The following TDRD9 variants were observed in gnomAD, a reference collection of about 807,000 sequenced individuals.
The protein encoded by TDRD9 is ATP-dependent RNA helicase TDRD9.
A neutral mutation model predicts 172.6 loss-of-function variants in TDRD9; 124 were observed. The ratio of observed to expected loss-of-function variants is 0.72; its 90% CI spans 0.62 to 0.83. The LOEUF (loss-of-function observed/expected upper bound fraction) is 0.83, where lower values mean the gene tolerates loss of function less well. TDRD9 is among the 40% of genes least tolerant of loss of function. The pLI, the probability that TDRD9 is intolerant of heterozygous loss-of-function variation, is 0.00. For missense variants in TDRD9, 1,479 were observed against 1,714.1 expected (o/e 0.86, Z 2.42); for synonymous variants, 619 against 617.1 (o/e 1.00, Z -0.05).
chr14:104,036,814 G>C (rs547357995), intron 32 of TDRD9, among the ~76,000 whole-genome samples: 1 of 152,324 alleles, frequency 6.6e-6, no homozygotes, highest in South Asian at 2.1e-4. Flanking sequence ...AAATGTGCCA[G>C]ATTTGGGACG....
intron 28 of TDRD9, 90 bp downstream of exon 28, chr14:104,027,029 A>C (rs893715941): frequency 2.1e-6 from 3 of 1,398,292 alleles, no homozygotes; most frequent in African/African-American, 1.4e-5. Flanking sequence ...AGATAGGAGG[A>C]GGCGGACAGT....
chr14:104,038,309 T>A (rs1179871953), intron 32 of TDRD9, among the ~76,000 whole-genome samples: 1 of 152,078 alleles, frequency 6.6e-6, no homozygotes, highest in Admixed American at 6.6e-5. Context: ...AACAAAAAAT[T>A]GAATGAGGGT....
intron 3 of TDRD9, among the ~76,000 whole-genome samples, chr14:103,964,772 C>T (rs2152143314): frequency 6.6e-6 from 1 of 152,298 alleles, no homozygotes; most frequent in Middle Eastern, 3.4e-3. Flanking sequence ...ATCCGCCCGC[C>T]TTGGCCTCCC....
At chr14:103,991,260 A>T (rs754307005) in intron 9 of TDRD9, 36 bp downstream of exon 9, 1 of 1,609,512 alleles carries the variant, frequency 6.2e-7, no homozygotes, top group East Asian at 2.2e-5. Context: ...TGGAATCATA[A>T]TACTCTGGAG....
chr14:103,956,101 AAAAAAAAAAAATATATATATATAT>A (rs1368683633), intron 2 of TDRD9, among the ~76,000 whole-genome samples: 14 of 54,236 alleles, frequency 2.6e-4, no homozygotes, highest in Admixed American at 1.2e-3. Flanking sequence ...AAAAAAAAAA[AAAAAAAAAAAATATATATATATAT>A]ATATATATAT....
chr14:104,037,205 CTG>C (rs1358702143), intron 32 of TDRD9, among the ~76,000 whole-genome samples: 2 of 152,170 alleles, frequency 1.3e-5, no homozygotes, highest in East Asian at 3.8e-4. Context: ...GGTCCCAGCA[CTG>C]TGTCTTAGGT....
In TDRD9 at chr14:103,928,719, C is replaced by A. The variant is rs1319923363; in HGVS notation, c.210C>A (p.Phe70Leu). The A allele has an allele frequency of 8.6e-7, 1 of 1,156,652 alleles. No homozygotes were observed. 71.6% of individuals were successfully genotyped at this position (1,156,652 alleles called of 1,614,324 possible). Residue 70 changes from phenylalanine to leucine, a missense_variant, in exon 1 of 36, where the codon TTC becomes TTA. Physicochemically the swap from Phe to Leu is conservative, Grantham distance 22. Coordinates refer to ENST00000409874, the MANE Select transcript of TDRD9 (RefSeq NM_153046.3). ...AQAPARPAAA[F>L]ERSLSQRSSE... ...CTCCGGCCCGGCCGGCCGCTGCGTT[C>A]GAAAGGTAGGACGCGGGCGGGGCGG...
intron 8 of TDRD9, among the ~76,000 whole-genome samples, chr14:103,990,698 A>C (rs2152196311): frequency 6.6e-6 from 1 of 152,392 alleles, no homozygotes; most frequent in African/African-American, 2.4e-5. Flanking sequence ...GGAAGGGCTC[A>C]CAGGTTCATG....
Position 104,005,254 on chromosome 14 carries a change from T to G in TDRD9, c.1582-20T>G. On this transcript the variant is annotated intron_variant, in intron 14 of 35. Transcript: ENST00000409874. ...TTTAGTTATGTTATTATTTCTAATC[T>G]CAGGCTTGTTTCTTTTCAGCGTTGT... 6.2e-6 allele frequency: 10 copies of G among 1,613,480 alleles called. No individual in the cohort carries two copies. Among genetic ancestry groups the G allele is most frequent in the Non-Finnish European group, 8.5e-6 (10 of 1,179,492 alleles).
At chr14:104,028,613 T>C (rs2035194104) in intron 28 of TDRD9, among the ~76,000 whole-genome samples, 1 of 152,234 alleles carries the variant, frequency 6.6e-6, no homozygotes, top group African/African-American at 2.4e-5. Context: ...TTTGCAAATA[T>C]TTTCTCCCAT....
At chr14:103,941,506 G>A in intron 1 of TDRD9, 1 of 1,535,212 alleles carries the variant, frequency 6.5e-7, no homozygotes, top group Non-Finnish European at 8.7e-7. Flanking sequence ...TAGTTTCTGA[G>A]CCAGTTGTAA....
At chr14:103,998,515 A>T in intron 12 of TDRD9, 109 bp from the exon 13 acceptor site, 1 of 707,030 alleles carries the variant, frequency 1.4e-6, no homozygotes, top group Non-Finnish European at 2.5e-6. Flanking sequence ...CCTGTTCACT[A>T]ATTCTTAAGG....
At chr14:103,957,758 C>T (rs766348060) in intron 2 of TDRD9, among the ~76,000 whole-genome samples, 2 of 152,148 alleles carry the variant, frequency 1.3e-5, no homozygotes, top group African/African-American at 4.8e-5. Flanking sequence ...GTCACACTCA[C>T]GTACTGGCCC....
At chr14:104,042,793 G>A (rs911303574) in intron 34 of TDRD9, among the ~76,000 whole-genome samples, 3 of 152,076 alleles carry the variant, frequency 2.0e-5, no homozygotes, top group Admixed American at 6.5e-5. Flanking sequence ...GGAAGGGCCC[G>A]GTCCTTCCTT....
intron 4 of TDRD9, among the ~76,000 whole-genome samples, chr14:103,966,054 G>A (rs781362259): frequency 1.3e-5 from 2 of 151,414 alleles, no homozygotes; most frequent in Non-Finnish European, 2.9e-5. Context: ...AATAAGGCTG[G>A]GCATGGCGGC....
chr14:103,967,775 T>A (rs907038979), intron 5 of TDRD9, among the ~76,000 whole-genome samples: 1 of 152,176 alleles, frequency 6.6e-6, no homozygotes, highest in Non-Finnish European at 1.5e-5. Context: ...ATAATACGGT[T>A]CAGAATTTTT....
chr14:103,930,990 A>G (rs1242398731), intron 1 of TDRD9, among the ~76,000 whole-genome samples: 1 of 152,176 alleles, frequency 6.6e-6, no homozygotes, highest in Admixed American at 6.5e-5. Context: ...TACTAATCGC[A>G]GTTAAAAAAT....
At position 103,955,779 on chromosome 14, in the gene TDRD9, G is replaced by T. The variant is rs117532470; in HGVS notation, c.322+9G>T. 3.2e-6 allele frequency: 5 copies of T among 1,548,342 alleles called. No individual in the cohort carries two copies. Among genetic ancestry groups the T allele is most frequent in the Non-Finnish European group, 3.5e-6 (4 of 1,145,002 alleles). On this transcript the variant is annotated intron_variant, in intron 2 of 35. Transcript: ENST00000409874. ...ACCAACCAGTGGGCCAGGTAAACAG[G>T]TCTCTTTAAATATTTTAGATAGGAT...
At chr14:103,951,189 A>G (rs961449760) in intron 1 of TDRD9, among the ~76,000 whole-genome samples, 1 of 152,228 alleles carries the variant, frequency 6.6e-6, no homozygotes, top group African/African-American at 2.4e-5. Context: ...ACAATTTTAT[A>G]TGCCTCACTG....
Sources: allele counts gnomAD v4.1 joint callset (sites outside exome capture counted in the v4.1 genomes callset), GRCh38; gene constraint gnomAD v4.1.1; transcripts MANE v1.5; gene names NCBI Gene and HGNC (gene_info 2026-07-23, HGNC 2026-07-21).